UTRN: variants seen among roughly 807,000 people sequenced by gnomAD.
UTRN encodes dystrophin-related protein 1.
Under a neutral mutation model 463.9 loss-of-function variants are expected in UTRN, and 283 were observed. That is an observed-to-expected ratio of 0.61 (90% CI 0.55 to 0.67). UTRN has a LOEUF of 0.67. Among genes scored for constraint, UTRN ranks in the 30% least tolerant of loss-of-function variants. The pLI is 0.00. For missense variants in UTRN, 3,922 were observed against 4,084.3 expected (o/e 0.96, Z 1.08); for synonymous variants, 1,442 against 1,431.5 (o/e 1.01, Z -0.17).
chr6:144,382,448 A>G (rs906396954), intron 2 of UTRN, among the ~76,000 whole-genome samples: 1 of 152,196 alleles, frequency 6.6e-6, no homozygotes, highest in Non-Finnish European at 1.5e-5. Context: ...ATTCTAAGAC[A>G]ATTCTCCAGG....
rs569213283 is a variant in UTRN at position 144,474,247 on chromosome 6, A to G, written c.3181-357A>G. On this transcript the variant is annotated intron_variant, in intron 24 of 74. Coordinates refer to ENST00000367545, the MANE Select transcript of UTRN (RefSeq NM_007124.3). ...AAGAAAAGCAATATACAATGACTCC[A>G]TGTTGTGCACGTGTACCCTAGAACT... is the stretch of plus-strand genomic sequence containing the variant. Among the ~76,000 whole-genome samples, 4 of 151,912 alleles carry G rather than the reference A, an allele frequency of 2.6e-5. No individual in the cohort carries two copies. The South Asian group carries it at 8.4e-4, about 32-fold the overall frequency.
At chr6:144,487,489 C>T in intron 28 of UTRN, 59 bp from the exon 29 acceptor site, 1 of 1,454,746 alleles carries the variant, frequency 6.9e-7, no homozygotes, top group East Asian at 2.5e-5. Context: ...TTTGGGGATC[C>T]TTGATACCTT....
chr6:144,606,506 G>A (rs1804862545), intron 51 of UTRN, among the ~76,000 whole-genome samples: 2 of 152,124 alleles, frequency 1.3e-5, no homozygotes, highest in South Asian at 4.1e-4. Context: ...TCTCATTCCA[G>A]TAAGTATCTG....
chr6:144,847,945 C>A (rs1245739080), intron 74 of UTRN, among the ~76,000 whole-genome samples: 1 of 152,152 alleles, frequency 6.6e-6, no homozygotes, highest in Non-Finnish European at 1.5e-5. Flanking sequence ...AGAACATTTT[C>A]TTTCATGAAC....
chr6:144,546,581 A>G (rs548697312), intron 46 of UTRN, among the ~76,000 whole-genome samples: 115 of 152,276 alleles, frequency 7.6e-4, no homozygotes, highest in African/African-American at 2.7e-3. Flanking sequence ...CAGGAGGATC[A>G]CTTGAGCCCA....
chr6:144,435,925 G>C lies in UTRN; in HGVS notation c.856-10G>C. ...ATTAGTGTGGGTTTTTCTTGGCTTT[G>C]TTTTTACAGAGTACAGCGCCTGAGG... On this transcript the variant is annotated splice_polypyrimidine_tract_variant and intron_variant, in intron 9 of 74. Coordinates refer to ENST00000367545, the MANE Select transcript of UTRN (RefSeq NM_007124.3). 6.2e-7 allele frequency: 1 copy of C among 1,613,016 alleles called. No homozygotes were observed. Among genetic ancestry groups the C allele is most frequent in the Non-Finnish European group, 8.5e-7 (1 of 1,179,820 alleles).
chr6:144,528,032 A>ATTTT (rs201546711), intron 41 of UTRN, among the ~76,000 whole-genome samples: 4,226 of 111,738 alleles, frequency 0.038, 277 homozygotes, highest in Middle Eastern at 0.064. Flanking sequence ...AGCTAGTGTG[A>ATTTT]TTTTTTTTTT....
At chr6:144,813,927 T>G (rs1192013171) in intron 65 of UTRN, among the ~76,000 whole-genome samples, 1 of 152,198 alleles carries the variant, frequency 6.6e-6, no homozygotes, top group African/African-American at 2.4e-5. Context: ...GAAGGTCTCA[T>G]GCTGAGCAAA....
At chr6:144,507,536 G>C (rs1045252997) in intron 34 of UTRN, among the ~76,000 whole-genome samples, 1 of 152,128 alleles carries the variant, frequency 6.6e-6, no homozygotes, top group Non-Finnish European at 1.5e-5. Flanking sequence ...CTGCAGGTCT[G>C]CTGGAGTTTG....
intron 65 of UTRN, among the ~76,000 whole-genome samples, chr6:144,810,308 A>T (rs1778498944): frequency 6.6e-6 from 1 of 152,188 alleles, no homozygotes; most frequent in Non-Finnish European, 1.5e-5. Context: ...ACCCTTGCCA[A>T]GTGTAAACAT....
chr6:144,584,810 A>T (rs1354035847), intron 51 of UTRN, among the ~76,000 whole-genome samples: 1 of 152,136 alleles, frequency 6.6e-6, no homozygotes, highest in Non-Finnish European at 1.5e-5. Flanking sequence ...AGTTACAAAG[A>T]TTTGTAAACC....
At chr6:144,779,779 G>A (rs1775653449) in intron 60 of UTRN, among the ~76,000 whole-genome samples, 1 of 152,174 alleles carries the variant, frequency 6.6e-6, no homozygotes, top group Admixed American at 6.5e-5. Flanking sequence ...AAGAATTACA[G>A]TGAAAATTCC....
At position 144,611,538 on chromosome 6, in the gene UTRN, A is replaced by G. The variant is rs368979883; in HGVS notation, c.7479+34250A>G. On this transcript the variant is annotated intron_variant, in intron 51 of 74. Coordinates refer to ENST00000367545, the MANE Select transcript of UTRN (RefSeq NM_007124.3). The stretch of plus-strand genomic sequence containing the variant: ...CAGGATACAACATCAACATATAAAA[A>G]TCAGCAGTGTTTTCATATACCTATG... 3.3e-5 allele frequency among the ~76,000 whole-genome samples: 5 copies of G among 152,218 alleles called. No individual in the cohort carries two copies. In the East Asian group the frequency reaches 9.6e-4, roughly 29 times the overall value.
chr6:144,475,608 C>A (rs543023043), intron 25 of UTRN, among the ~76,000 whole-genome samples: 41 of 152,194 alleles, frequency 2.7e-4, no homozygotes, highest in Non-Finnish European at 5.3e-4. Flanking sequence ...GTCACTCTGG[C>A]TTTTTGTTTT....
At chr6:144,805,567 C>A (rs1467845289) in intron 65 of UTRN, among the ~76,000 whole-genome samples, 2 of 152,160 alleles carry the variant, frequency 1.3e-5, no homozygotes, top group East Asian at 3.9e-4. Context: ...GAAGCCTGTT[C>A]CCCAAGGGGC....
Position 144,690,950 on chromosome 6 carries a change from G to A in UTRN, c.7653-9137G>A, listed in dbSNP as rs570459852. 2.6e-5 allele frequency among the ~76,000 whole-genome samples: 4 copies of A among 152,162 alleles called. No homozygotes were observed. In the East Asian group the frequency reaches 7.7e-4, roughly 29 times the overall value. On this transcript the variant is annotated intron_variant, in intron 52 of 74. Transcript: ENST00000367545. ...GTCTGTGGTGTCTGTCAGTTTTCTT[G>A]TTAAGTTCCTGTGTTGCTTCTTGGA...
chr6:144,673,165 T>C (rs1202468084), intron 51 of UTRN, among the ~76,000 whole-genome samples: 3 of 152,168 alleles, frequency 2.0e-5, no homozygotes, highest in Non-Finnish European at 4.4e-5. Flanking sequence ...TTGGGTAGAC[T>C]GTTCTGCAAA....
At chr6:144,725,073 A>T (rs1399883824) in intron 53 of UTRN, among the ~76,000 whole-genome samples, 1 of 152,214 alleles carries the variant, frequency 6.6e-6, no homozygotes, top group Non-Finnish European at 1.5e-5. Context: ...AATCTCACTG[A>T]ATTGTAATAA....
In UTRN at chr6:144,851,015, C is replaced by G; in HGVS notation, c.*18C>G. ...CAATGTGAAGTATTCATCCGGCCAA[C>G]CAATGTTTCCTGACGTACAGTGTTG... On this transcript the variant is annotated 3_prime_UTR_variant, in exon 75 of 75. Coordinates refer to ENST00000367545, the MANE Select transcript of UTRN (RefSeq NM_007124.3). The G allele has an allele frequency of 6.2e-7, 1 of 1,613,660 alleles. No homozygotes were observed. The highest frequency in any genetic ancestry group is 8.5e-7 in the Non-Finnish European group (1 of 1,179,622).
Sources: allele counts gnomAD v4.1 joint callset (sites outside exome capture counted in the v4.1 genomes callset), GRCh38; gene constraint gnomAD v4.1.1; transcripts MANE v1.5; gene names NCBI Gene and HGNC (gene_info 2026-07-23, HGNC 2026-07-21).